The following CXCL9 variants were observed in gnomAD, a reference collection of about 807,000 sequenced individuals.
The protein encoded by CXCL9 is C-X-C motif chemokine ligand 9.
A neutral mutation model predicts 11.7 loss-of-function variants in CXCL9; 8 were observed. The observed-to-expected ratio is 0.68, with a 90% confidence interval of 0.40 to 1.23. CXCL9 has a LOEUF of 1.23. CXCL9 is among the 50% of genes most tolerant of loss of function. The probability of loss-of-function intolerance (pLI) is 0.01; values close to 1 mark genes in which losing one functional copy is unlikely to be tolerated. For missense variants in CXCL9, 133 were observed against 141.7 expected (o/e 0.94, Z 0.31); for synonymous variants, 43 against 48.2 (o/e 0.89, Z 0.45).
In CXCL9 at chr4:76,006,223, C is replaced by CCTT; in HGVS notation, c.113_115dup (p.Gln38_Gly39insGlu). The CCTT allele has an allele frequency of 6.2e-7, 1 of 1,613,706 alleles. No homozygotes were observed. The highest frequency in any genetic ancestry group is 1.3e-5 in the African/African-American group (1 of 74,972). On this transcript the variant is annotated inframe_insertion, in exon 2 of 4. Coordinates refer to ENST00000264888, the MANE Select transcript of CXCL9 (RefSeq NM_002416.3). ...TTTCAAGGATTGTAGGTGGATAGTC[C>CCTT]CTTGGTTGGTGCTGATGCAGGAACA... is the stretch of plus-strand genomic sequence containing the variant.
intron 3 of CXCL9, 89 bp downstream of exon 3, chr4:76,004,720 T>G (rs1453279635): frequency 6.8e-7 from 1 of 1,465,086 alleles, no homozygotes; most frequent in Non-Finnish European, 9.0e-7. Flanking sequence ...AAGTTATGTA[T>G]TCTTATAGTG....
In CXCL9 at chr4:76,003,231, G is replaced by A. The variant is rs562891129; in HGVS notation, c.*367C>T. 5.4e-6 allele frequency: 1 copy of A among 185,214 alleles called. No homozygotes were observed. The highest frequency in any genetic ancestry group is 1.2e-4 in the South Asian group (1 of 8,136). The allele number at this position is 185,214 out of a possible 1,614,324, so 11.5% of individuals were successfully genotyped here. On this transcript the variant is annotated 3_prime_UTR_variant, in exon 4 of 4. Coordinates refer to ENST00000264888, the MANE Select transcript of CXCL9 (RefSeq NM_002416.3). ...TTAGGACTTGCTGACATGTGCCTCA[G>A]ATACTCTCTGGAGGCTGCAGTACGT...
chr4:76,002,279 A>T lies in CXCL9; in HGVS notation c.*1319T>A. 1 of 398,530 alleles carries T rather than the reference A, an allele frequency of 2.5e-6. No individual in the cohort carries two copies. The highest frequency in any genetic ancestry group is 4.4e-6 in the Non-Finnish European group (1 of 226,018). The allele number at this position is 398,530 out of a possible 1,614,324, so 24.7% of individuals were successfully genotyped here. A position where few individuals can be genotyped will look rare whatever the true frequency, so the allele number is the denominator to read the frequency against. ...ATTGTAAGATTATATGATTTTCGGT[A>T]AACTGTATATTTTTTAAAAACAGTC... On this transcript the variant is annotated 3_prime_UTR_variant, in exon 4 of 4. Transcript: ENST00000264888.
chr4:76,004,685 A>C, intron 3 of CXCL9, 124 bp downstream of exon 3: 1 of 1,341,848 alleles, frequency 7.5e-7, no homozygotes, highest in Admixed American at 3.4e-5. Flanking sequence ...AAGCACCATA[A>C]TATGAATGAA....
chr4:76,005,379 G>C (rs1291859291), intron 2 of CXCL9: 1 of 152,184 alleles, frequency 6.6e-6, no homozygotes, highest in Non-Finnish European at 1.5e-5. Flanking sequence ...ACAGTAGACT[G>C]TCTGGAAATA....
At chr4:76,004,731 T>C in intron 3 of CXCL9, 78 bp downstream of exon 3, 1 of 1,515,104 alleles carries the variant, frequency 6.6e-7, no homozygotes, top group Non-Finnish European at 8.8e-7. Flanking sequence ...TCTTATAGTG[T>C]TAATGAAAAA....
intron 3 of CXCL9, 69 bp from the exon 4 acceptor site, chr4:76,003,768 T>C (rs1731525913): frequency 1.1e-6 from 1 of 920,746 alleles, no homozygotes; most frequent in Non-Finnish European, 1.7e-6. Flanking sequence ...TTATTTGGAC[T>C]CTCCTGATCA....
In CXCL9 at chr4:76,002,157, GCTGAGGCTTA is replaced by G; in HGVS notation, c.*1431_*1440del. The stretch of plus-strand genomic sequence containing the variant: ...TGGCTATCTTGTTAGATCTTAGAAA[GCTGAGGCTTA>G]TTGAGAAAGCCCTTTTCCTTCGGGA... On this transcript the variant is annotated 3_prime_UTR_variant, in exon 4 of 4. Transcript: ENST00000264888. 1 of 396,772 alleles carries G rather than the reference GCTGAGGCTTA, an allele frequency of 2.5e-6. No individual in the cohort carries two copies. The highest frequency in any genetic ancestry group is 4.4e-6 in the Non-Finnish European group (1 of 225,390). The allele number at this position is 396,772 out of a possible 1,614,324, so 24.6% of individuals were successfully genotyped here. A position where few individuals can be genotyped will look rare whatever the true frequency, so the allele number is the denominator to read the frequency against.
chr4:76,003,549 T>C lies in CXCL9; in HGVS notation c.*49A>G. On this transcript the variant is annotated 3_prime_UTR_variant, in exon 4 of 4. Transcript: ENST00000264888. The stretch of plus-strand genomic sequence containing the variant: ...CTCCTTTGGAATGATAGCGGTATAA[T>C]TAAAATAGAACATTTTTAACACAGA... 1.8e-6 allele frequency: 2 copies of C among 1,100,574 alleles called. No individual in the cohort carries two copies. Among genetic ancestry groups the C allele is most frequent in the Non-Finnish European group, 2.8e-6 (2 of 724,972 alleles). 68.2% of individuals were successfully genotyped at this position (1,100,574 alleles called of 1,614,324 possible). A position where few individuals can be genotyped will look rare whatever the true frequency, so the allele number is the denominator to read the frequency against.
chr4:76,007,429 A>G lies in CXCL9; in HGVS notation c.21T>C (p.Leu7=), dbSNP rs1251613740. The change falls in exon 1 of 4, where the codon CTT becomes CTC. Residue 7 remains leucine (L), a synonymous_variant. Transcript: ENST00000264888. ...CCAGCAAGATGATGCCCAAGAGGAA[A>G]AGAACACCACTTTTCTTCATAGTGA... is the stretch of plus-strand genomic sequence containing the variant. MKKSGV[L]FLLGIILLVL... The G allele has an allele frequency of 6.2e-7, 1 of 1,600,510 alleles. No individual in the cohort carries two copies.
chr4:76,004,713 T>G, intron 3 of CXCL9, 96 bp downstream of exon 3: 1 of 1,412,654 alleles, frequency 7.1e-7, no homozygotes, highest in Non-Finnish European at 9.2e-7. Flanking sequence ...TTCTTAAAAG[T>G]TATGTATTCT....
chr4:76,006,149 T>C lies in CXCL9; in HGVS notation c.190A>G (p.Ile64Val). ...CATGTTAGCTGGGTTGTTACTTACATGATTTCAATTTTCTCGCAGGAAGGG... is the reference window on the plus strand; with the variant it reads ...CATGTTAGCTGGGTTGTTACTTACACGATTTCAATTTTCTCGCAGGAAGGG... ...PSPSCEKIEI[I>V]ATLKNGVQTC... Residue 64 changes from isoleucine to valine, a missense_variant and splice_region_variant, in exon 2 of 4, where the codon ATT becomes GTT. Transcript: ENST00000264888. 3 of 1,613,004 alleles carry C rather than the reference T, an allele frequency of 1.9e-6. No homozygotes were observed. Among genetic ancestry groups the C allele is most frequent in the Non-Finnish European group, 2.5e-6 (3 of 1,179,140 alleles).
chr4:76,004,758 CTAAAGT>C (rs759380326), intron 3 of CXCL9, 45 bp downstream of exon 3: 36 of 1,573,990 alleles, frequency 2.3e-5, no homozygotes, highest in Non-Finnish European at 3.1e-5. Flanking sequence ...TCTTTGTCTT[CTAAAGT>C]TAATTTCTAA....
In CXCL9 at chr4:76,005,030, G is replaced by A. The variant is rs186167289; in HGVS notation, c.192-137C>T. ...TTAAAATTATTTCCTAGGACAAGAT[G>A]AGTCACTGGTTGAATTTTTTTTTTT... is the stretch of plus-strand genomic sequence containing the variant. On this transcript the variant is annotated intron_variant, in intron 2 of 3. Transcript: ENST00000264888. 373 of 1,248,356 alleles carry A rather than the reference G, an allele frequency of 3.0e-4. 3 individuals are homozygous for A. The African/African-American group carries it at 5.2e-3, about 17-fold the overall frequency. The allele number at this position is 1,248,356 out of a possible 1,614,324, so 77.3% of individuals were successfully genotyped here.
At chr4:76,005,126 A>G (rs1731560917) in intron 2 of CXCL9, 1 of 458,196 alleles carries the variant, frequency 2.2e-6, no homozygotes, top group African/African-American at 2.1e-5. Flanking sequence ...AGCTTGCTGC[A>G]ACTTCCAACT....
chr4:76,003,708 A>G lies in CXCL9; in HGVS notation c.277-9T>C. The G allele has an allele frequency of 6.6e-7, 1 of 1,518,070 alleles. No homozygotes were observed. The allele number at this position is 1,518,070 out of a possible 1,614,324, so 94.0% of individuals were successfully genotyped here. A position where few individuals can be genotyped will look rare whatever the true frequency, so the allele number is the denominator to read the frequency against. Reference sequence around the variant, plus strand: ...TTTTTCTTTTGGCTGACCTGTGAGAAGAAGGGGAAAAAGGGCAATGTTTCT... The same window carrying G: ...TTTTTCTTTTGGCTGACCTGTGAGAGGAAGGGGAAAAAGGGCAATGTTTCT... On this transcript the variant is annotated splice_polypyrimidine_tract_variant and intron_variant, in intron 3 of 3. Coordinates refer to ENST00000264888, the MANE Select transcript of CXCL9 (RefSeq NM_002416.3).
At chr4:76,006,978 T>C (rs1420328039) in intron 1 of CXCL9, among the ~76,000 whole-genome samples, 2 of 152,226 alleles carry the variant, frequency 1.3e-5, no homozygotes. Flanking sequence ...CTAGAAAGAT[T>C]AAGTAATTTG....
In CXCL9 at chr4:76,001,469, T is replaced by C. The variant is rs1389190421; in HGVS notation, c.*2129A>G. 1 of 152,230 alleles carries C rather than the reference T, an allele frequency of 6.6e-6. No homozygotes were observed. Among genetic ancestry groups the C allele is most frequent in the Admixed American group, 6.5e-5 (1 of 15,280 alleles). The allele number at this position is 152,230 out of a possible 1,614,324, so 9.4% of individuals were successfully genotyped here. A position where few individuals can be genotyped will look rare whatever the true frequency, so the allele number is the denominator to read the frequency against. ...AGAGAAAAAAAATCAAGATCTGTTTTCTGATTAATGGTCTATTTATTGATA... is the reference window on the plus strand; with the variant it reads ...AGAGAAAAAAAATCAAGATCTGTTTCCTGATTAATGGTCTATTTATTGATA... On this transcript the variant is annotated 3_prime_UTR_variant, in exon 4 of 4. Coordinates refer to ENST00000264888, the MANE Select transcript of CXCL9 (RefSeq NM_002416.3).
chr4:76,004,144 C>T (rs975935349), intron 3 of CXCL9, among the ~76,000 whole-genome samples: 2 of 152,184 alleles, frequency 1.3e-5, no homozygotes, highest in African/African-American at 2.4e-5. Context: ...TCAAATCCAA[C>T]TCCTTAGTAT....
Sources: allele counts gnomAD v4.1 joint callset (sites outside exome capture counted in the v4.1 genomes callset), GRCh38; gene constraint gnomAD v4.1.1; transcripts MANE v1.5; gene names NCBI Gene and HGNC (gene_info 2026-07-23, HGNC 2026-07-21).